Variants in ULK4 observed in about 807,000 individuals in gnomAD.
ULK4 encodes inactive serine/threonine-protein kinase ULK4.
ULK4 carries 133 observed loss-of-function variants against 160.6 expected under a neutral mutation model. That is an observed-to-expected ratio of 0.83 (90% CI 0.72 to 0.96). The LOEUF (loss-of-function observed/expected upper bound fraction) is 0.96, where lower values mean the gene tolerates loss of function less well. Ranked by LOEUF, ULK4 falls within the 40% of genes least tolerant of loss-of-function variation. ULK4 has a pLI of 0.00. For synonymous variants in ULK4, 534 were observed against 539.8 expected (o/e 0.99, Z 0.15); for missense variants, 1,580 against 1,499.5 (o/e 1.05, Z -0.89).
chr3:41,884,251 A>G (rs1341785855), intron 16 of ULK4, among the ~76,000 whole-genome samples: 2 of 152,226 alleles, frequency 1.3e-5, no homozygotes, highest in African/African-American at 2.4e-5. Context: ...TTAACCAGAG[A>G]AAAGAGCAAA....
At chr3:41,657,139 T>A (rs530063157) in intron 30 of ULK4, among the ~76,000 whole-genome samples, 6 of 151,722 alleles carry the variant, frequency 4.0e-5, no homozygotes, top group Middle Eastern at 3.4e-3. Context: ...ACTGTTTTTT[T>A]AAAAAAAAAT....
At chr3:41,254,560 C>T (rs1156394865) in intron 35 of ULK4, among the ~76,000 whole-genome samples, 1 of 152,068 alleles carries the variant, frequency 6.6e-6, no homozygotes, top group Admixed American at 6.6e-5. Context: ...CCTAATCAAT[C>T]AATAATTTAA....
At position 41,597,037 on chromosome 3, in the gene ULK4, G is replaced by A. The variant is rs996871355; in HGVS notation, c.3120+18632C>T. 2.0e-5 allele frequency among the ~76,000 whole-genome samples: 3 copies of A among 152,134 alleles called. No homozygotes were observed. The South Asian group carries it at 6.2e-4, about 32-fold the overall frequency. ...TCTGTTGCAGCTCCCTTGGGTTGGG[G>A]TTGGTGGTCAGGACAGAGAACAGGC... On this transcript the variant is annotated intron_variant, in intron 31 of 36. Coordinates refer to ENST00000301831, the MANE Select transcript of ULK4 (RefSeq NM_017886.4).
At chr3:41,830,202 C>T (rs945636327) in intron 18 of ULK4, among the ~76,000 whole-genome samples, 8 of 150,780 alleles carry the variant, frequency 5.3e-5, no homozygotes, top group Admixed American at 2.0e-4. Flanking sequence ...TGTTAAATGA[C>T]GAGTTAACGG....
intron 29 of ULK4, among the ~76,000 whole-genome samples, chr3:41,679,729 T>G (rs898000105): frequency 1.3e-5 from 2 of 152,198 alleles, no homozygotes; most frequent in Admixed American, 6.5e-5. Context: ...GGTTTCAGAT[T>G]AACAGAGCTT....
At chr3:41,467,901 A>G (rs78046775) in intron 32 of ULK4, among the ~76,000 whole-genome samples, 3,076 of 152,318 alleles carry the variant, frequency 0.02, 109 homozygotes, top group African/African-American at 0.071. Flanking sequence ...AAAACTAAAT[A>G]TAAGATTTGT....
At chr3:41,647,879 C>A (rs1031330052) in intron 30 of ULK4, among the ~76,000 whole-genome samples, 3 of 152,248 alleles carry the variant, frequency 2.0e-5, no homozygotes, top group African/African-American at 7.2e-5. Context: ...GCTTTGTGTA[C>A]CTACGCAAGC....
intron 31 of ULK4, among the ~76,000 whole-genome samples, chr3:41,577,090 A>G (rs1265498665): frequency 2.6e-5 from 4 of 152,234 alleles, no homozygotes; most frequent in Non-Finnish European, 4.4e-5. Context: ...TCAGTTTCTA[A>G]GAGGTACTAG....
At chr3:41,754,240 C>T (rs1334065234) in intron 22 of ULK4, 121 bp downstream of exon 22, 2 of 1,109,712 alleles carry the variant, frequency 1.8e-6, no homozygotes, top group South Asian at 1.9e-5. Flanking sequence ...AAATATTAAG[C>T]CCCTGGAAAA....
chr3:41,770,483 C>T (rs73071333), intron 21 of ULK4, among the ~76,000 whole-genome samples: 159 of 150,630 alleles, frequency 1.1e-3, no homozygotes, highest in Non-Finnish European at 1.8e-3. Flanking sequence ...AATTGTGTAA[C>T]GTATACATTG....
At chr3:41,949,494 A>G (rs1700219138) in intron 2 of ULK4, among the ~76,000 whole-genome samples, 1 of 147,902 alleles carries the variant, frequency 6.8e-6, no homozygotes. Flanking sequence ...GCGCAATTAC[A>G]CGATCTCAGC....
intron 32 of ULK4, among the ~76,000 whole-genome samples, chr3:41,549,742 T>C (rs57107031): frequency 0.061 from 9,272 of 151,976 alleles, 839 homozygotes; most frequent in African/African-American, 0.2. Flanking sequence ...AGGCACATTA[T>C]AGTCAAACCG....
At chr3:41,501,454 C>T (rs1398430303) in intron 32 of ULK4, among the ~76,000 whole-genome samples, 8 of 152,074 alleles carry the variant, frequency 5.3e-5, no homozygotes, top group Non-Finnish European at 1.0e-4. Context: ...GCCGAGATTG[C>T]GCCACTGCAC....
intron 32 of ULK4, among the ~76,000 whole-genome samples, chr3:41,511,807 T>C (rs2085588467): frequency 6.6e-6 from 1 of 152,020 alleles, no homozygotes; most frequent in Non-Finnish European, 1.5e-5. Context: ...ATCACCCTAA[T>C]ACCAAAACTA....
chr3:41,865,754 C>T (rs1033755157), intron 17 of ULK4, among the ~76,000 whole-genome samples: 2 of 151,822 alleles, frequency 1.3e-5, no homozygotes, highest in African/African-American at 4.8e-5. Context: ...TTAAAAAACC[C>T]TCAATTCATA....
At chr3:41,444,480 T>C (rs187292474) in intron 34 of ULK4, among the ~76,000 whole-genome samples, 1 of 152,170 alleles carries the variant, frequency 6.6e-6, no homozygotes, top group Admixed American at 6.5e-5. Flanking sequence ...GTTATTACCA[T>C]TCTGCCCAAT....
At chr3:41,442,182 G>A (rs2083186718) in intron 34 of ULK4, among the ~76,000 whole-genome samples, 1 of 152,272 alleles carries the variant, frequency 6.6e-6, no homozygotes, top group East Asian at 1.9e-4. Context: ...GGGTATCACT[G>A]ATTTATTAGA....
intron 31 of ULK4, among the ~76,000 whole-genome samples, chr3:41,583,337 G>A (rs2030530376): frequency 6.6e-6 from 1 of 151,812 alleles, no homozygotes; most frequent in African/African-American, 2.4e-5. Context: ...ACCTTTTACG[G>A]CAATTTGATT....
intron 33 of ULK4, among the ~76,000 whole-genome samples, chr3:41,458,345 C>A (rs2084324477): frequency 6.6e-6 from 1 of 152,104 alleles, no homozygotes. Flanking sequence ...GAACGTGCAA[C>A]ATGATGGTGT....
Sources: gnomAD v4.1 joint callset for allele counts (sites outside exome capture counted in the v4.1 genomes callset) on GRCh38, gnomAD v4.1.1 for gene constraint, MANE v1.5 for transcripts, NCBI Gene and HGNC (gene_info 2026-07-23, HGNC 2026-07-21) for gene names.